Variants in NEBL observed in about 807,000 individuals in gnomAD.
The protein encoded by NEBL is LIM and SH3 protein 2.
A neutral mutation model predicts 140.2 loss-of-function variants in NEBL; 122 were observed. The observed-to-expected ratio is 0.87, with a 90% CI of 0.75 to 1.01. The LOEUF (loss-of-function observed/expected upper bound fraction) is 1.01, where lower values mean the gene tolerates loss of function less well. Among genes scored for constraint, NEBL ranks in the 50% least tolerant of loss-of-function variants. NEBL has a pLI of 0.00. For synonymous variants in NEBL, 436 were observed against 398.9 expected (o/e 1.09, Z -1.11); for missense variants, 1,365 against 1,231.3 (o/e 1.11, Z -1.62).
chr10:21,226,334 C>T (rs1842148497), intron 3 of NEBL, among the ~76,000 whole-genome samples: 1 of 151,914 alleles, frequency 6.6e-6, no homozygotes, highest in African/African-American at 2.4e-5. Flanking sequence ...AGCTGTGCTG[C>T]CTGGGGTTAT....
chr10:20,859,688 T>A, intron 8 of NEBL, 25 bp downstream of exon 8: 1 of 1,422,442 alleles, frequency 7.0e-7, no homozygotes, highest in Non-Finnish European at 9.9e-7. Flanking sequence ...ATTTTGAAAA[T>A]AATTTTCTAT....
upstream of NEBL, chr10:20,897,543 T>A (rs1373061810): frequency 9.4e-7 from 1 of 1,065,802 alleles, no homozygotes; most frequent in Non-Finnish European, 1.1e-6. Context: ...TATTCATTCA[T>A]AAAAGAGCAT....
chr10:21,039,919 G>A (rs1028409617), intron 2 of NEBL, among the ~76,000 whole-genome samples: 3 of 152,176 alleles, frequency 2.0e-5, no homozygotes, highest in African/African-American at 7.2e-5. Context: ...CATGAAGAAT[G>A]GGAGGATGCA....
At chr10:21,245,358 T>A (rs933174726) in intron 3 of NEBL, among the ~76,000 whole-genome samples, 2 of 152,206 alleles carry the variant, frequency 1.3e-5, no homozygotes, top group Non-Finnish European at 2.9e-5. Context: ...AACTATGGTA[T>A]GTTTTATTCT....
upstream of NEBL, chr10:21,174,747 G>A (rs1841258815): frequency 6.6e-6 from 1 of 152,256 alleles, no homozygotes; most frequent in South Asian, 2.1e-4. Context: ...CTTCCGAGAG[G>A]ACGCTTCTCC....
intron 1 of NEBL, among the ~76,000 whole-genome samples, chr10:21,261,041 C>T (rs118023509): frequency 0.017 from 2,633 of 152,164 alleles, 29 homozygotes; most frequent in Admixed American, 0.023. Flanking sequence ...ATGTGCTGAT[C>T]CTCTTATTGA....
At chr10:21,057,761 A>G (rs1835094969) in intron 2 of NEBL, among the ~76,000 whole-genome samples, 1 of 151,864 alleles carries the variant, frequency 6.6e-6, no homozygotes, top group Non-Finnish European at 1.5e-5. Context: ...GAATTTTGCC[A>G]TGTTGCCCAG....
At position 21,173,292 on chromosome 10, in the gene NEBL, A is replaced by C. The variant is rs1414936608; in HGVS notation, c.69+473T>G. ...TTAGCAATGCGGCAGCGGCCGCCCC[A>C]TGACATATTAATTACTATTTGCCTC... On this transcript the variant is annotated intron_variant, in intron 1 of 6. Transcript: ENST00000417816. This position sits in a 1 kb window ranked among gnomAD's most constrained non-coding sequence, Gnocchi z 5.7. Among the ~76,000 whole-genome samples the C allele has an allele frequency of 6.6e-6, 1 of 151,248 alleles. No individual in the cohort carries two copies. Among genetic ancestry groups the C allele is most frequent in the Admixed American group, 6.6e-5 (1 of 15,236 alleles).
At chr10:21,107,246 TTCTTG>T (rs1837761410) in intron 2 of NEBL, among the ~76,000 whole-genome samples, 1 of 152,204 alleles carries the variant, frequency 6.6e-6, no homozygotes, top group South Asian at 2.1e-4. Flanking sequence ...AGAGAGGGCA[TTCTTG>T]TCTTGTGACG....
chr10:21,100,816 T>C (rs1481165940), intron 2 of NEBL, among the ~76,000 whole-genome samples: 2 of 152,206 alleles, frequency 1.3e-5, no homozygotes, highest in Non-Finnish European at 2.9e-5. Context: ...AATCAGCTGC[T>C]TCACAAAATT....
At chr10:21,139,917 G>A (rs1281903646) in intron 2 of NEBL, among the ~76,000 whole-genome samples, 2 of 150,758 alleles carry the variant, frequency 1.3e-5, no homozygotes, top group Non-Finnish European at 2.9e-5. Flanking sequence ...TTGGGAGGCT[G>A]AGGCAGGCAG....
chr10:20,831,458 T>C lies in NEBL; in HGVS notation c.1560+15A>G, dbSNP rs190353004. 12 of 1,581,532 alleles carry C rather than the reference T, an allele frequency of 7.6e-6. No homozygotes were observed. Among genetic ancestry groups the C allele is most frequent in the Non-Finnish European group, 1.0e-5 (12 of 1,151,550 alleles). ...CGGCATTTATTTTAAACTTTGTATCTTGCTGCTGTCTTACCTGGCTGGCCA... is the reference window on the plus strand; with the variant it reads ...CGGCATTTATTTTAAACTTTGTATCCTGCTGCTGTCTTACCTGGCTGGCCA... On this transcript the variant is annotated intron_variant, in intron 15 of 27. Coordinates refer to ENST00000377122, the MANE Select transcript of NEBL (RefSeq NM_006393.3).
chr10:21,075,726 T>C (rs1415988726), intron 2 of NEBL, among the ~76,000 whole-genome samples: 3 of 152,208 alleles, frequency 2.0e-5, no homozygotes, highest in Non-Finnish European at 2.9e-5. Context: ...GCATCAACCA[T>C]TTAAATCGTC....
At chr10:20,914,216 T>C (rs1848442427) in intron 4 of NEBL, among the ~76,000 whole-genome samples, 1 of 152,228 alleles carries the variant, frequency 6.6e-6, no homozygotes, top group Admixed American at 6.5e-5. Context: ...TGTCAGTAAG[T>C]GCTGGAGCTA....
At chr10:21,019,368 C>G (rs1451914096) in intron 3 of NEBL, among the ~76,000 whole-genome samples, 1 of 152,244 alleles carries the variant, frequency 6.6e-6, no homozygotes, top group Non-Finnish European at 1.5e-5. Context: ...ACCTAGCCTC[C>G]CCTGCCTCCA....
intron 5 of NEBL, among the ~76,000 whole-genome samples, chr10:20,879,060 A>C (rs1422959999): frequency 6.6e-6 from 1 of 152,170 alleles, no homozygotes; most frequent in Non-Finnish European, 1.5e-5. Flanking sequence ...AAAATACTGG[A>C]AACTCGGGAT....
rs542443614 is a variant in NEBL at position 21,025,482 on chromosome 10, A to AT, written c.165-5282dup. ...TTAGGTCACAGAAAGATGACTTCAA[A>AT]TTTTTTTTCTCTGTGAGATTCAGTT... On this transcript the variant is annotated intron_variant, in intron 2 of 6. Coordinates refer to the NEBL transcript ENST00000417816. Among the ~76,000 whole-genome samples, 207 of 152,266 alleles carry AT rather than the reference A, an allele frequency of 1.4e-3. 1 individual carries two copies. The highest frequency in any genetic ancestry group is 3.4e-3 in the Middle Eastern group (1 of 292).
At chr10:20,956,638 T>A (rs1008565916) in intron 4 of NEBL, among the ~76,000 whole-genome samples, 28 of 152,330 alleles carry the variant, frequency 1.8e-4, no homozygotes, top group African/African-American at 6.7e-4. Context: ...GTACTAGATT[T>A]TACTACTCAA....
At chr10:20,993,526 G>A (rs1318226416) in intron 3 of NEBL, among the ~76,000 whole-genome samples, 1 of 152,172 alleles carries the variant, frequency 6.6e-6, no homozygotes, top group Admixed American at 6.5e-5. Context: ...TTAGTTTTAG[G>A]TTTCAGGGTG....
Sources: gnomAD v4.1 joint callset for allele counts (sites outside exome capture counted in the v4.1 genomes callset) on GRCh38, gnomAD v4.1.1 for gene constraint, Gnocchi (gnomAD v3.1) non-coding constraint, MANE v1.5 for transcripts, NCBI Gene and HGNC (gene_info 2026-07-23, HGNC 2026-07-21) for gene names.